The following NDEL1 variants were observed in gnomAD, a reference collection of about 807,000 sequenced individuals.
NDEL1 encodes the protein nudE neurodevelopment protein 1 like 1, also known as nuclear distribution protein nudE-like 1.
NDEL1 carries 9 observed loss-of-function variants against 45.7 expected under a neutral mutation model. The observed-to-expected ratio is 0.20, with a 90% confidence interval of 0.12 to 0.34. The LOEUF is 0.34. Among genes scored for constraint, NDEL1 ranks in the 10% least tolerant of loss-of-function variants. The probability of loss-of-function intolerance (pLI) is 1.00; values close to 1 mark genes in which losing one functional copy is unlikely to be tolerated. For missense variants in NDEL1, 306 were observed against 406.2 expected (o/e 0.75, Z 2.12); for synonymous variants, 133 against 158.6 (o/e 0.84, Z 1.21).
chr17:8,461,697 G>T (rs539192850), intron 8 of NDEL1, among the ~76,000 whole-genome samples: 3 of 152,192 alleles, frequency 2.0e-5, no homozygotes, highest in African/African-American at 7.2e-5. Flanking sequence ...TTACATGAGC[G>T]TAGCCATTTC....
intron 6 of NDEL1, among the ~76,000 whole-genome samples, chr17:8,454,148 A>G (rs1910688278): frequency 6.6e-6 from 1 of 152,178 alleles, no homozygotes; most frequent in Non-Finnish European, 1.5e-5. Flanking sequence ...TGGAAAAGCC[A>G]AAGGTTCTCC....
At chr17:8,419,217 T>A (rs1335386370) in intron 1 of NDEL1, among the ~76,000 whole-genome samples, 1 of 152,170 alleles carries the variant, frequency 6.6e-6, no homozygotes, top group East Asian at 1.9e-4. Flanking sequence ...CTTAATGAAT[T>A]CATCTAAAGT....
intron 8 of NDEL1, chr17:8,463,277 G>A (rs1911339962): frequency 1.3e-6 from 2 of 1,533,994 alleles, no homozygotes; most frequent in East Asian, 2.3e-5. Flanking sequence ...TGTGGAAATA[G>A]TATTCGTATT....
rs776420230 is a variant in NDEL1 at position 8,463,295 on chromosome 17, AAT to A, written c.944+3138_944+3139del. 19 of 1,595,234 alleles carry A rather than the reference AAT, an allele frequency of 1.2e-5. No homozygotes were observed. The South Asian group carries it at 1.9e-4, about 16-fold the overall frequency. On this transcript the variant is annotated intron_variant, in intron 8 of 8. Transcript: ENST00000334527. Reference sequence around the variant, plus strand: ...GGAAATAGTATTCGTATTACTGTTTAATATGTTCTCCTTTCTTTTATTAGGCA... The same window carrying A: ...GGAAATAGTATTCGTATTACTGTTTAATGTTCTCCTTTCTTTTATTAGGCA...
At chr17:8,435,601 A>G (rs1909230798), upstream of NDEL1, among the ~76,000 whole-genome samples, 1 of 152,254 alleles carries the variant, frequency 6.6e-6, no homozygotes, top group African/African-American at 2.4e-5. Flanking sequence ...CTTGGTGGCC[A>G]GAAAACTGAA....
intron 6 of NDEL1, among the ~76,000 whole-genome samples, chr17:8,452,657 C>A (rs909615180): frequency 1.3e-5 from 2 of 151,066 alleles, no homozygotes; most frequent in Non-Finnish European, 3.0e-5. Context: ...TTACCTTTTA[C>A]AATGTTTGTT....
At chr17:8,445,665 T>C (rs550129966) in intron 2 of NDEL1, 46 bp from the exon 3 acceptor site, 3 of 1,570,236 alleles carry the variant, frequency 1.9e-6, no homozygotes, top group Middle Eastern at 1.7e-4. Context: ...AGACAATCCT[T>C]GTGGTTCTTA....
chr17:8,441,850 C>G (rs542323499), intron 1 of NDEL1, among the ~76,000 whole-genome samples: 16 of 152,250 alleles, frequency 1.1e-4, no homozygotes, highest in African/African-American at 3.9e-4. Flanking sequence ...ATGGTTTTCT[C>G]CCTTCTTTTG....
At chr17:8,456,949 C>T (rs1169097274) in intron 7 of NDEL1, among the ~76,000 whole-genome samples, 11 of 152,212 alleles carry the variant, frequency 7.2e-5, no homozygotes, top group Non-Finnish European at 1.3e-4. Context: ...GCATTTGTAA[C>T]AATGCACATA....
chr17:8,417,902 T>G (rs1908593112), intron 1 of NDEL1, among the ~76,000 whole-genome samples: 1 of 152,226 alleles, frequency 6.6e-6, no homozygotes, highest in Non-Finnish European at 1.5e-5. Context: ...AGTAGATGCC[T>G]TGGCTTGTTG....
chr17:8,462,025 C>T (rs937172301), intron 8 of NDEL1, among the ~76,000 whole-genome samples: 2 of 151,902 alleles, frequency 1.3e-5, no homozygotes, highest in African/African-American at 4.8e-5. Flanking sequence ...GCAGGGATTG[C>T]CAAGAGGTGA....
In NDEL1 at chr17:8,446,909, G is replaced by GA; in HGVS notation, c.389+9dup. On this transcript the variant is annotated splice_region_variant and intron_variant, in intron 4 of 8. Transcript: ENST00000334527. ...ACCTGGAGCGAGCCAAAAGGTAAAC[G>GA]AATGACTGCATTTTGTTAGAAAAAA... 6.2e-7 allele frequency: 1 copy of GA among 1,612,914 alleles called. No individual in the cohort carries two copies. Among genetic ancestry groups the GA allele is most frequent in the South Asian group, 1.1e-5 (1 of 90,950 alleles).
intron 8 of NDEL1, chr17:8,463,206 A>C: frequency 1.4e-6 from 1 of 716,740 alleles, no homozygotes; most frequent in Non-Finnish European, 2.4e-6. Context: ...CTATTTTTGT[A>C]AGCCACTCTG....
At chr17:8,457,244 A>G (rs1910902472) in intron 7 of NDEL1, among the ~76,000 whole-genome samples, 1 of 151,964 alleles carries the variant, frequency 6.6e-6, no homozygotes, top group African/African-American at 2.4e-5. Context: ...GGATGCCCTG[A>G]TGGGCTTCGA....
chr17:8,456,469 T>C lies in NDEL1; in HGVS notation c.792+1582T>C, dbSNP rs1334086645. Among the ~76,000 whole-genome samples the C allele has an allele frequency of 2.0e-4, 30 of 151,754 alleles. 1 individual carries two copies. On this transcript the variant is annotated intron_variant, in intron 7 of 8. Coordinates refer to ENST00000334527, the MANE Select transcript of NDEL1 (RefSeq NM_030808.5). The stretch of plus-strand genomic sequence containing the variant: ...TTACTTTAACATTCTTGAACTTTTG[T>C]TTCTGAATGTATTAGGTTATATCTT...
At chr17:8,427,303 T>C (rs1485711954) in intron 1 of NDEL1, among the ~76,000 whole-genome samples, 1 of 152,134 alleles carries the variant, frequency 6.6e-6, no homozygotes, top group Admixed American at 6.5e-5. Flanking sequence ...GGGCTATTCC[T>C]GGGTATAGGA....
intron 1 of NDEL1, 23 bp from the exon 2 acceptor site, chr17:8,444,235 TAA>T: frequency 1.4e-6 from 2 of 1,423,862 alleles, no homozygotes; most frequent in South Asian, 1.2e-5. Flanking sequence ...TCTAATTTGT[TAA>T]GTTTGTCTTT....
At position 8,444,240 on chromosome 17, in the gene NDEL1, T is replaced by G. The variant is rs1391981817; in HGVS notation, c.-12-20T>G. On this transcript the variant is annotated intron_variant, in intron 1 of 8. Coordinates refer to ENST00000334527, the MANE Select transcript of NDEL1 (RefSeq NM_030808.5). The stretch of plus-strand genomic sequence containing the variant: ...TTCTCTGTTCTCTAATTTGTTAAGT[T>G]TGTCTTTAATATTTCACAGGCTTTC... 5 of 1,472,300 alleles carry G rather than the reference T, an allele frequency of 3.4e-6. No homozygotes were observed. The highest frequency in any genetic ancestry group is 4.7e-6 in the Non-Finnish European group (5 of 1,055,830). The allele number at this position is 1,472,300 out of a possible 1,614,324, so 91.2% of individuals were successfully genotyped here.
intron 8 of NDEL1, chr17:8,463,369 T>C (rs759700454): frequency 6.2e-7 from 1 of 1,612,390 alleles, no homozygotes; most frequent in East Asian, 2.2e-5. Flanking sequence ...CTGAATTTGT[T>C]TGCTGTGCTC....
Sources: gnomAD v4.1 joint callset for allele counts (sites outside exome capture counted in the v4.1 genomes callset) on GRCh38, gnomAD v4.1.1 for gene constraint, MANE v1.5 for transcripts, NCBI Gene and HGNC (gene_info 2026-07-23, HGNC 2026-07-21) for gene names.